TBC1D14: variants seen among roughly 807,000 people sequenced by gnomAD.
TBC1D14 encodes the protein TBC1 domain family member 14.
Under a neutral mutation model 79.0 loss-of-function variants are expected in TBC1D14, and 26 were observed. That is an observed-to-expected ratio of 0.33 (90% CI 0.24 to 0.46). TBC1D14 has a LOEUF of 0.46. Ranked by LOEUF, TBC1D14 falls within the 20% of genes least tolerant of loss-of-function variation. The pLI is 1.00. For synonymous variants in TBC1D14, 394 were observed against 349.9 expected (o/e 1.13, Z -1.40); for missense variants, 769 against 887.6 (o/e 0.87, Z 1.70).
intron 2 of TBC1D14, among the ~76,000 whole-genome samples, chr4:6,924,420 G>A (rs1023595560): frequency 2.6e-5 from 4 of 152,196 alleles, no homozygotes; most frequent in Admixed American, 1.3e-4. Context: ...GCGGGGCCCT[G>A]TGCACTCATA....
At chr4:6,998,120 C>T (rs755472772) in intron 5 of TBC1D14, among the ~76,000 whole-genome samples, 13 of 152,146 alleles carry the variant, frequency 8.5e-5, no homozygotes, top group Non-Finnish European at 1.9e-4. Flanking sequence ...CCTGTAATCC[C>T]AGCACTTTGA....
chr4:7,005,358 A>AC (rs1313031458), intron 8 of TBC1D14, among the ~76,000 whole-genome samples: 4 of 152,140 alleles, frequency 2.6e-5, no homozygotes, highest in South Asian at 2.1e-4. Context: ...ACATGGCGAG[A>AC]CCCCCGTCTC....
intron 2 of TBC1D14, among the ~76,000 whole-genome samples, chr4:6,931,185 C>T (rs764507446): frequency 6.6e-6 from 1 of 152,204 alleles, no homozygotes; most frequent in African/African-American, 2.4e-5. Context: ...AGGCGTGAGC[C>T]ACCACGCCCG....
rs772648099 is a variant in TBC1D14, at chr4:7,025,131, A to G, written c.1885A>G (p.Ile629Val). ...GGGCATCCTGAAGCTGTTCGAGGACATCCTGACCAAGATGGACTTCATTCA... is the reference window on the plus strand; with the variant it reads ...GGGCATCCTGAAGCTGTTCGAGGACGTCCTGACCAAGATGGACTTCATTCA... The part of the protein sequence containing the change: ...ALGILKLFED[I>V]LTKMDFIHMA... The change falls in exon 13 of 14, where the codon ATC (isoleucine) becomes GTC (valine). Residue 629 changes from isoleucine to valine, a missense_variant. Ile to Val is a conservative substitution (Grantham distance 29). Transcript: ENST00000409757. 1.2e-6 allele frequency: 2 copies of G among 1,614,114 alleles called. No homozygotes were observed. The highest frequency in any genetic ancestry group is 1.3e-5 in the African/African-American group (1 of 74,936).
At chr4:6,936,911 T>C (rs1363331300) in intron 2 of TBC1D14, among the ~76,000 whole-genome samples, 1 of 152,074 alleles carries the variant, frequency 6.6e-6, no homozygotes, top group Non-Finnish European at 1.5e-5. Context: ...TTTTTTTTTA[T>C]TTTTACTTAC....
At chr4:6,994,880 AAG>A (rs1193081161) in intron 4 of TBC1D14, among the ~76,000 whole-genome samples, 3 of 149,386 alleles carry the variant, frequency 2.0e-5, no homozygotes, top group Non-Finnish European at 4.4e-5. Context: ...AAAAAAAAAA[AAG>A]AAGCAGTGTG....
chr4:6,984,012 AAGGAAT>A (rs1385163972), intron 3 of TBC1D14, among the ~76,000 whole-genome samples: 2 of 152,094 alleles, frequency 1.3e-5, no homozygotes, highest in African/African-American at 4.8e-5. Flanking sequence ...GTCTCGCCAG[AAGGAAT>A]AGGAATTCAG....
intron 9 of TBC1D14, among the ~76,000 whole-genome samples, chr4:7,008,345 T>G (rs1190747929): frequency 6.6e-6 from 1 of 152,222 alleles, no homozygotes; most frequent in African/African-American, 2.4e-5. Context: ...TTGAGTTTAC[T>G]AAAAGAAAGC....
At chr4:6,941,696 T>C (rs1331820749) in intron 2 of TBC1D14, among the ~76,000 whole-genome samples, 2 of 152,088 alleles carry the variant, frequency 1.3e-5, no homozygotes, top group Admixed American at 6.6e-5. Flanking sequence ...TTCTGGAAGG[T>C]GTTGATGTCC....
At chr4:6,981,500 A>C (rs986469596) in intron 3 of TBC1D14, among the ~76,000 whole-genome samples, 7 of 152,236 alleles carry the variant, frequency 4.6e-5, no homozygotes, top group Non-Finnish European at 7.3e-5. Context: ...TTTGAGAAGA[A>C]GACGGAGTAC....
chr4:6,911,337 G>C (rs1280285266), intron 1 of TBC1D14, among the ~76,000 whole-genome samples: 1 of 152,246 alleles, frequency 6.6e-6, no homozygotes, highest in Non-Finnish European at 1.5e-5. Context: ...CTGGTACTAA[G>C]GGAGACAGAG....
intron 12 of TBC1D14, among the ~76,000 whole-genome samples, chr4:7,019,528 C>G (rs1337596323): frequency 6.6e-6 from 1 of 151,906 alleles, no homozygotes; most frequent in African/African-American, 2.4e-5. Context: ...AAGAGCGTCC[C>G]CTGCCTGCAC....
rs192116470 is a variant in TBC1D14, at chr4:7,019,108, G to A, written c.1757+4551G>A. On this transcript the variant is annotated intron_variant, in intron 12 of 13. Transcript: ENST00000409757. ...TGGATCTCGGCTCACTGCAAGCTCC[G>A]CCTCCCGGATTCACGCCATTCTCCT... 5.9e-3 allele frequency among the ~76,000 whole-genome samples: 895 copies of A among 151,320 alleles called. 10 individuals are homozygous for A. Among genetic ancestry groups the A allele is most frequent in the African/African-American group, 0.021 (851 of 41,138 alleles).
At chr4:6,969,086 A>G (rs956022406) in intron 3 of TBC1D14, among the ~76,000 whole-genome samples, 10 of 152,196 alleles carry the variant, frequency 6.6e-5, no homozygotes, top group African/African-American at 1.7e-4. Context: ...GTTGTCTGCC[A>G]TTCTCTGCTG....
At chr4:6,993,523 A>C (rs1287821500) in intron 3 of TBC1D14, among the ~76,000 whole-genome samples, 1 of 152,190 alleles carries the variant, frequency 6.6e-6, no homozygotes, top group Non-Finnish European at 1.5e-5. Flanking sequence ...GGCCGTGATA[A>C]TAATCAGTTA....
chr4:6,917,553 C>T lies in TBC1D14; in HGVS notation c.-17-5820C>T, dbSNP rs371502459. On this transcript the variant is annotated intron_variant, in intron 1 of 13. Transcript: ENST00000409757. ...GGCCCCGATGGCCTACCTGGGAGAG[C>T]ACCTCAGGTGGTGGTGCAGTAGGGC... is the stretch of plus-strand genomic sequence containing the variant. Among the ~76,000 whole-genome samples, 35 of 152,128 alleles carry T rather than the reference C, an allele frequency of 2.3e-4. No individual in the cohort carries two copies. In the East Asian group the frequency reaches 4.3e-3, roughly 19 times the overall value.
chr4:6,922,927 G>A (rs899107160), intron 1 of TBC1D14, among the ~76,000 whole-genome samples: 6 of 152,170 alleles, frequency 3.9e-5, no homozygotes, highest in South Asian at 2.1e-4. Flanking sequence ...TGGGCCAGGC[G>A]TGGTGGCTCA....
Position 6,986,856 on chromosome 4 carries a change from T to C in TBC1D14, c.844-7328T>C, listed in dbSNP as rs1480069311. Among the ~76,000 whole-genome samples, 7 of 152,356 alleles carry C rather than the reference T, an allele frequency of 4.6e-5. No individual in the cohort carries two copies. In the East Asian group the frequency reaches 9.6e-4, roughly 21 times the overall value. On this transcript the variant is annotated intron_variant, in intron 3 of 13. Transcript: ENST00000409757. Reference sequence around the variant, plus strand: ...TGCTCCCTGACGTTTTAAACCCACCTGTTAATACTTTGTGAAAAACAGGAG... The same window carrying C: ...TGCTCCCTGACGTTTTAAACCCACCCGTTAATACTTTGTGAAAAACAGGAG...
chr4:7,004,774 C>T, intron 7 of TBC1D14, 70 bp from the exon 8 acceptor site: 1 of 1,376,742 alleles, frequency 7.3e-7, no homozygotes. Context: ...GGAAATAGTA[C>T]TGTGTTCTGT....
Sources: gnomAD v4.1 joint callset for allele counts (sites outside exome capture counted in the v4.1 genomes callset) on GRCh38, gnomAD v4.1.1 for gene constraint, MANE v1.5 for transcripts, NCBI Gene and HGNC (gene_info 2026-07-23, HGNC 2026-07-21) for gene names.